Variants in DAB2IP observed in about 807,000 individuals in gnomAD.
DAB2IP encodes DAB2 interacting protein.
Under a neutral mutation model 107.2 loss-of-function variants are expected in DAB2IP, and 28 were observed. The ratio of observed to expected loss-of-function variants is 0.26; its 90% CI spans 0.19 to 0.36. The LOEUF (loss-of-function observed/expected upper bound fraction) is 0.36. Among genes scored for constraint, DAB2IP ranks in the 10% least tolerant of loss-of-function variants. The pLI is 1.00. For missense variants in DAB2IP, 1,400 were observed against 1,644.7 expected (o/e 0.85, Z 2.57); for synonymous variants, 755 against 706.4 (o/e 1.07, Z -1.09).
intron 2 of DAB2IP, among the ~76,000 whole-genome samples, chr9:121,696,672 G>A (rs1163842054): frequency 1.3e-5 from 2 of 152,240 alleles, no homozygotes; most frequent in Admixed American, 6.5e-5. Flanking sequence ...TGATCTTGGG[G>A]AAGGGCCTTC....
upstream of DAB2IP, among the ~76,000 whole-genome samples, chr9:121,646,712 CT>C (rs1232404935): frequency 6.6e-6 from 1 of 152,120 alleles, no homozygotes; most frequent in African/African-American, 2.4e-5. Context: ...GATGCTTCCC[CT>C]GTCAGGACTC....
intron 1 of DAB2IP, among the ~76,000 whole-genome samples, chr9:121,638,370 T>G (rs1832161419): frequency 6.6e-6 from 1 of 152,234 alleles, no homozygotes; most frequent in African/African-American, 2.4e-5. Flanking sequence ...GCTTGGATTT[T>G]GGTATCTGAT....
intron 14 of DAB2IP, among the ~76,000 whole-genome samples, chr9:121,779,111 A>G (rs905994408): frequency 2.0e-5 from 3 of 151,990 alleles, no homozygotes; most frequent in Non-Finnish European, 4.4e-5. Flanking sequence ...GATAGTTTCT[A>G]TGACTATGTC....
chr9:121,646,819 C>G (rs975639215), upstream of DAB2IP, among the ~76,000 whole-genome samples: 10 of 152,146 alleles, frequency 6.6e-5, no homozygotes, highest in African/African-American at 2.4e-4. Context: ...TTCCGTACTG[C>G]TCAACCTTAT....
chr9:121,734,442 C>T (rs1831751528), intron 3 of DAB2IP, among the ~76,000 whole-genome samples: 1 of 151,638 alleles, frequency 6.6e-6, no homozygotes, highest in Non-Finnish European at 1.5e-5. Flanking sequence ...ATGCAGACTT[C>T]TGAGCAGGGG....
At chr9:121,765,838 G>T (rs549273101) in intron 8 of DAB2IP, among the ~76,000 whole-genome samples, 10 of 152,182 alleles carry the variant, frequency 6.6e-5, no homozygotes, top group African/African-American at 9.6e-5. Flanking sequence ...CAGCTCTGCC[G>T]GCTTGCTCCA....
At chr9:121,763,145 G>A (rs1274455240) in intron 6 of DAB2IP, among the ~76,000 whole-genome samples, 3 of 152,176 alleles carry the variant, frequency 2.0e-5, no homozygotes, top group East Asian at 1.9e-4. Flanking sequence ...GGGGAGAGGC[G>A]AGTCCTGCTG....
At chr9:121,617,591 G>A (rs1278086081) in intron 1 of DAB2IP, among the ~76,000 whole-genome samples, 1 of 152,232 alleles carries the variant, frequency 6.6e-6, no homozygotes, top group African/African-American at 2.4e-5. Context: ...CAGCCCCAGA[G>A]GCAGCCTGTC....
Position 121,657,590 on chromosome 9 carries a change from C to T in DAB2IP, c.124+5691C>T, listed in dbSNP as rs532979527. Reference sequence around the variant, plus strand: ...TGATATTTCCTCTGCATTTTCCTGTCGGGGTGGTGAAATAACTGGTTTGAA... The same window carrying T: ...TGATATTTCCTCTGCATTTTCCTGTTGGGGTGGTGAAATAACTGGTTTGAA... On this transcript the variant is annotated intron_variant, in intron 1 of 15. Coordinates refer to ENST00000408936, the Ensembl canonical transcript of DAB2IP. Among the ~76,000 whole-genome samples the T allele has an allele frequency of 7.0e-4, 106 of 152,202 alleles. 2 individuals carry two copies. Among genetic ancestry groups the T allele is most frequent in the South Asian group, 6.2e-4 (3 of 4,814 alleles).
chr9:121,714,228 G>T (rs1281468277), intron 3 of DAB2IP, among the ~76,000 whole-genome samples: 2 of 152,200 alleles, frequency 1.3e-5, no homozygotes, highest in African/African-American at 4.8e-5. Flanking sequence ...ATGAAGTGAT[G>T]TTTGTGCTGA....
chr9:121,671,632 TA>T (rs554749140), intron 1 of DAB2IP, among the ~76,000 whole-genome samples: 270 of 151,490 alleles, frequency 1.8e-3, no homozygotes, highest in African/African-American at 3.1e-3. Context: ...AACATTCTTG[TA>T]AAAAAAAATG....
intron 3 of DAB2IP, among the ~76,000 whole-genome samples, chr9:121,726,994 G>C (rs921434458): frequency 6.6e-6 from 1 of 152,192 alleles, no homozygotes; most frequent in African/African-American, 2.4e-5. Context: ...ATGGGAGGTG[G>C]AGAGGAGTAG....
chr9:121,692,051 T>C (rs928086149), intron 2 of DAB2IP, among the ~76,000 whole-genome samples: 14 of 152,218 alleles, frequency 9.2e-5, no homozygotes. Context: ...AAGAGCTGTT[T>C]TCTTGCCTTG....
chr9:121,623,583 G>A (rs1243537060), intron 1 of DAB2IP, among the ~76,000 whole-genome samples: 1 of 152,170 alleles, frequency 6.6e-6, no homozygotes, highest in Non-Finnish European at 1.5e-5. Flanking sequence ...GCCCAGGCTG[G>A]TCTTGAACTG....
rs34167414 is a variant in DAB2IP at position 121,635,906 on chromosome 9, TGGG to T, written c.41-42765_41-42763del. Among the ~76,000 whole-genome samples the T allele has an allele frequency of 1.4e-5, 2 of 145,688 alleles. No individual in the cohort carries two copies. The highest frequency in any genetic ancestry group is 6.9e-5 in the Admixed American group (1 of 14,534). On this transcript the variant is annotated intron_variant, in intron 1 of 16. Coordinates refer to the DAB2IP transcript ENST00000259371. The surrounding 1 kb of genome is among the most constrained non-coding windows in gnomAD (Gnocchi z 4.3). ...CAGTCCCCTGTTTAGATGTCTTTTT[TGGG>T]GGGGGGTCTGGGGGATGGAGTCTTG... is the stretch of plus-strand genomic sequence containing the variant.
chr9:121,592,193 C>A (rs1053879195), intron 1 of DAB2IP, among the ~76,000 whole-genome samples: 10 of 152,056 alleles, frequency 6.6e-5, no homozygotes, highest in Admixed American at 5.9e-4. Flanking sequence ...CATGGTGAAA[C>A]CCCATCTCTA....
At chr9:121,645,805 G>A (rs1179789019) in intron 1 of DAB2IP, among the ~76,000 whole-genome samples, 1 of 152,322 alleles carries the variant, frequency 6.6e-6, no homozygotes. Context: ...CGACGTGTAC[G>A]AGGGAGACGT....
intron 1 of DAB2IP, among the ~76,000 whole-genome samples, chr9:121,582,401 AGAG>A (rs1830218418): frequency 6.6e-6 from 1 of 152,054 alleles, no homozygotes; most frequent in South Asian, 2.1e-4. Flanking sequence ...CAGAGCATTC[AGAG>A]GAGGGTGCGG....
chr9:121,702,318 G>A lies in DAB2IP; in HGVS notation c.362+2860G>A, dbSNP rs1589545441. 6.6e-6 allele frequency among the ~76,000 whole-genome samples: 1 copy of A among 152,172 alleles called. No homozygotes were observed. The highest frequency in any genetic ancestry group is 1.5e-5 in the Non-Finnish European group (1 of 68,036). ...TTTCAGGGGTGGGGATGCCGAACCT[G>A]GCTGGTTGGGATTGAGGGTTGCTAT... On this transcript the variant is annotated intron_variant, in intron 3 of 15. Coordinates refer to ENST00000408936, the Ensembl canonical transcript of DAB2IP. The surrounding 1 kb of genome is among the most constrained non-coding windows in gnomAD (Gnocchi z 4.5).
Sources: gnomAD v4.1 joint callset for allele counts (sites outside exome capture counted in the v4.1 genomes callset) on GRCh38, gnomAD v4.1.1 for gene constraint, Gnocchi (gnomAD v3.1) non-coding constraint, MANE v1.5 for transcripts, NCBI Gene and HGNC (gene_info 2026-07-23, HGNC 2026-07-21) for gene names.